VAMP7: variants seen among roughly 807,000 people sequenced by gnomAD.
VAMP7 encodes vesicle-associated membrane protein 7.
VAMP7 carries 14 observed loss-of-function variants against 29.6 expected under a neutral mutation model. The observed-to-expected ratio is 0.47, with a 90% confidence interval of 0.31 to 0.74. VAMP7 has a LOEUF of 0.74. Ranked by LOEUF, VAMP7 falls within the 30% of genes least tolerant of loss-of-function variation. VAMP7 has a pLI of 0.05. For missense variants in VAMP7, 223 were observed against 262.4 expected (o/e 0.85, Z 1.04); for synonymous variants, 95 against 88.1 (o/e 1.08, Z -0.44).
At chrX:155,904,033 T>C (rs1024218177) in intron 5 of VAMP7, among the ~76,000 whole-genome samples, 1 of 151,800 alleles carries the variant, frequency 6.6e-6, no homozygotes, top group Admixed American at 6.6e-5. Flanking sequence ...CCATAAAAAA[T>C]GATGAGTTCA....
chrX:155,932,361 G>C (rs1436002815), intron 6 of VAMP7, among the ~76,000 whole-genome samples: 1 of 152,054 alleles, frequency 6.6e-6, no homozygotes. Context: ...TCTTCCATTT[G>C]TTTGTGTCCT....
intron 6 of VAMP7, among the ~76,000 whole-genome samples, chrX:155,922,265 A>G (rs1199551535): frequency 6.6e-6 from 1 of 152,012 alleles, no homozygotes; most frequent in Non-Finnish European, 1.5e-5. Context: ...ACAATACTGA[A>G]TACAAGTGAT....
At chrX:155,907,925 G>C (rs749843665) in intron 5 of VAMP7, among the ~76,000 whole-genome samples, 10 of 152,164 alleles carry the variant, frequency 6.6e-5, no homozygotes, top group African/African-American at 2.4e-4. Flanking sequence ...CAGAAGGGGC[G>C]GCGGGGCAGA....
intron 4 of VAMP7, among the ~76,000 whole-genome samples, chrX:155,899,599 G>C (rs1337635724): frequency 6.6e-6 from 1 of 151,720 alleles, no homozygotes; most frequent in South Asian, 2.1e-4. Flanking sequence ...CTTTAAATTG[G>C]TTACTTATAA....
At chrX:155,936,440 A>G (rs997708670) in intron 6 of VAMP7, among the ~76,000 whole-genome samples, 4 of 152,112 alleles carry the variant, frequency 2.6e-5, no homozygotes, top group East Asian at 1.9e-4. Flanking sequence ...TTGCAGTTCA[A>G]TCTCAGACTG....
intron 6 of VAMP7, among the ~76,000 whole-genome samples, chrX:155,928,111 A>G (rs2065265297): frequency 6.6e-6 from 1 of 151,760 alleles, no homozygotes; most frequent in African/African-American, 2.4e-5. Context: ...TTTCTTAGAG[A>G]CGGGTCTCCC....
intron 6 of VAMP7, among the ~76,000 whole-genome samples, chrX:155,936,771 G>A (rs375469261): frequency 0.011 from 1,724 of 152,262 alleles, 31 homozygotes; most frequent in African/African-American, 0.039. Context: ...CGTCTTGTGC[G>A]TTGCTCACGC....
chrX:155,931,054 G>A lies in VAMP7; in HGVS notation c.502-8647G>A, dbSNP rs750458180. Among the ~76,000 whole-genome samples the A allele has an allele frequency of 5.3e-5, 8 of 152,108 alleles. No homozygotes were observed. In the South Asian group the frequency reaches 1.2e-3, roughly 24 times the overall value. On this transcript the variant is annotated intron_variant, in intron 6 of 7. Coordinates refer to ENST00000286448, the MANE Select transcript of VAMP7 (RefSeq NM_005638.6). Reference sequence around the variant, plus strand: ...AGGACATGAACTCATCCTTTTTTACGGCTGCGTAGTATTTCATAGTGTATA... The same window carrying A: ...AGGACATGAACTCATCCTTTTTTACAGCTGCGTAGTATTTCATAGTGTATA...
At chrX:155,919,554 A>G (rs1451109688) in intron 5 of VAMP7, among the ~76,000 whole-genome samples, 1 of 152,094 alleles carries the variant, frequency 6.6e-6, no homozygotes, top group Non-Finnish European at 1.5e-5. Context: ...TCAGCTATAA[A>G]CAGCATCATC....
At chrX:155,911,547 G>A (rs1179245176) in intron 5 of VAMP7, among the ~76,000 whole-genome samples, 5 of 151,896 alleles carry the variant, frequency 3.3e-5, no homozygotes, top group Non-Finnish European at 7.4e-5. Flanking sequence ...TTGGGCTTAT[G>A]GTCATTTTAA....
intron 5 of VAMP7, among the ~76,000 whole-genome samples, chrX:155,909,631 C>T (rs982092983): frequency 3.3e-5 from 5 of 152,218 alleles, no homozygotes; most frequent in Non-Finnish European, 5.9e-5. Context: ...ATTCCATAGA[C>T]GTAGTGACTT....
intron 1 of VAMP7, among the ~76,000 whole-genome samples, chrX:155,888,838 C>T (rs2065895351): frequency 6.6e-6 from 1 of 152,038 alleles, no homozygotes; most frequent in South Asian, 2.1e-4. Flanking sequence ...CTTACTAGCT[C>T]TGTAATTTGG....
intron 6 of VAMP7, among the ~76,000 whole-genome samples, chrX:155,926,653 G>A (rs1209297768): frequency 6.6e-6 from 1 of 152,190 alleles, no homozygotes; most frequent in Non-Finnish European, 1.5e-5. Flanking sequence ...TAGCACTCCT[G>A]ATTTCCTTCA....
intron 6 of VAMP7, among the ~76,000 whole-genome samples, chrX:155,930,335 C>A (rs1490327241): frequency 6.6e-6 from 1 of 152,028 alleles, no homozygotes; most frequent in Non-Finnish European, 1.5e-5. Context: ...AGATTACAGT[C>A]TATTAGAAAA....
At chrX:155,906,336 TC>T (rs1223253754) in intron 5 of VAMP7, among the ~76,000 whole-genome samples, 1 of 152,110 alleles carries the variant, frequency 6.6e-6, no homozygotes, top group Admixed American at 6.6e-5. Context: ...CCTTGATGCC[TC>T]CTCTTAGTAA....
rs777584451 is a variant in VAMP7, at chrX:155,895,760, T to A, written c.204+80T>A. On this transcript the variant is annotated intron_variant, in intron 3 of 7. Coordinates refer to ENST00000286448, the MANE Select transcript of VAMP7 (RefSeq NM_005638.6). ...AGTTCTTAATTATCTATACCAGGGG[T>A]CCCCAACCCCCAGGCTGCAGACCGG... 13 of 1,292,888 alleles carry A rather than the reference T, an allele frequency of 1.0e-5. No homozygotes were observed. In the South Asian group the frequency reaches 1.6e-4, roughly 16 times the overall value. The allele number at this position is 1,292,888 out of a possible 1,614,324, so 80.1% of individuals were successfully genotyped here. A position where few individuals can be genotyped will look rare whatever the true frequency, so the allele number is the denominator to read the frequency against.
intron 6 of VAMP7, among the ~76,000 whole-genome samples, chrX:155,929,951 C>T (rs192290557): frequency 6.6e-6 from 1 of 152,270 alleles, no homozygotes; most frequent in Non-Finnish European, 1.5e-5. Flanking sequence ...CACTATTATA[C>T]TCACAGTTAT....
chrX:155,906,193 A>G lies in VAMP7; in HGVS notation c.433+5606A>G, dbSNP rs774984873. ...CTCGGGCTCTGTCCTTGGCCTGCCT[A>G]AGGAAGTCTTAGCAAAGAATCCTGC... is the stretch of plus-strand genomic sequence containing the variant. On this transcript the variant is annotated intron_variant, in intron 5 of 7. Transcript: ENST00000286448. Among the ~76,000 whole-genome samples the G allele has an allele frequency of 2.0e-5, 3 of 152,246 alleles. No homozygotes were observed. The South Asian group carries it at 6.2e-4, about 32-fold the overall frequency.
chrX:155,904,920 A>G (rs918966431), intron 5 of VAMP7, among the ~76,000 whole-genome samples: 5 of 148,328 alleles, frequency 3.4e-5, no homozygotes, highest in Admixed American at 2.7e-4. Flanking sequence ...ATATATATAT[A>G]TATGTTTTTG....
Sources: gnomAD v4.1 joint callset for allele counts (sites outside exome capture counted in the v4.1 genomes callset) on GRCh38, gnomAD v4.1.1 for gene constraint, MANE v1.5 for transcripts, NCBI Gene and HGNC (gene_info 2026-07-23, HGNC 2026-07-21) for gene names.